The following RFX7 variants were observed in gnomAD, a reference collection of about 807,000 sequenced individuals.
RFX7 encodes regulatory factor X7.
RFX7 carries 26 observed loss-of-function variants against 111.8 expected under a neutral mutation model. That is an observed-to-expected ratio of 0.23 (90% confidence interval 0.17 to 0.32). The LOEUF (loss-of-function observed/expected upper bound fraction) is 0.32, where lower values mean the gene tolerates loss of function less well. Ranked by LOEUF, RFX7 falls within the 10% of genes least tolerant of loss-of-function variation. RFX7 has a pLI of 1.00. For synonymous variants in RFX7, 624 were observed against 624.4 expected, an observed-to-expected ratio of 1.00 and a Z score of 0.01; for missense variants, 1,573 against 1,772.9, an observed-to-expected ratio of 0.89 and a Z score of 2.02.
intron 5 of RFX7, among the ~76,000 whole-genome samples, chr15:56,121,203 T>C (rs1370458767): frequency 6.6e-6 from 1 of 152,238 alleles, no homozygotes; most frequent in Admixed American, 6.5e-5. Context: ...AGCTTTTGTC[T>C]GTGAAAATCT....
Position 56,090,340 on chromosome 15 carries a change from T to C in RFX7, c.*3005A>G, listed in dbSNP as rs1380637690. On this transcript the variant is annotated 3_prime_UTR_variant, in exon 10 of 10. Coordinates refer to ENST00000559447, the MANE Select transcript of RFX7 (RefSeq NM_022841.7). ...ATAATCTTAAGTGAACAACAGAGTT[T>C]TGATGAATGAACTAAGATCTGTGTA... 6.6e-6 allele frequency: 1 copy of C among 152,154 alleles called. No individual in the cohort carries two copies. The highest frequency in any genetic ancestry group is 2.4e-5 in the African/African-American group (1 of 41,452). 9.4% of individuals were successfully genotyped at this position (152,154 alleles called of 1,614,324 possible). A position where few individuals can be genotyped will look rare whatever the true frequency, so the allele number is the denominator to read the frequency against.
At chr15:56,243,320 T>G (rs1175425127) in intron 1 of RFX7, 33 bp from the exon 2 acceptor site, 68 of 652,218 alleles carry the variant, frequency 1.0e-4, no homozygotes, top group Middle Eastern at 7.9e-4. Context: ...GAGGGAAAGA[T>G]GGGGGCGCGG....
Position 56,101,412 on chromosome 15 carries a change from T to C in RFX7, c.758A>G (p.Tyr253Cys), listed in dbSNP as rs1258184198. 2 of 1,610,982 alleles carry C rather than the reference T, an allele frequency of 1.2e-6. No individual in the cohort carries two copies. The highest frequency in any genetic ancestry group is 1.3e-5 in the African/African-American group (1 of 74,956). ...ELARFLVKSH[Y>C]IGTKSMAALT... ...AGCTGCCATTGACTTGGTGCCTATA[T>C]AGTGACTTTTTACAAGGAAGCGGGC... The change falls in exon 8 of 10, where the codon TAT (tyrosine) becomes TGT (cysteine). Residue 253 changes from tyrosine to cysteine, a missense_variant. By Grantham distance (194) the Tyr-to-Cys change is radical. Coordinates refer to ENST00000559447, the MANE Select transcript of RFX7 (RefSeq NM_022841.7).
intron 2 of RFX7, among the ~76,000 whole-genome samples, chr15:56,181,493 C>T (rs759911604): frequency 6.6e-6 from 1 of 152,066 alleles, no homozygotes; most frequent in Non-Finnish European, 1.5e-5. Context: ...TTCATGATAG[C>T]AGGCTTTGTC....
rs777374302 is a variant in RFX7, at chr15:56,098,141, A to T, written c.1047T>A (p.Pro349=). The change falls in exon 9 of 10, where the codon CCT becomes CCA. Residue 349 remains proline (P), a synonymous_variant. Transcript: ENST00000559447. ...NGVTNLPNGN[P]SILSPQPIGI... ...CAATAGGTTGAGGAGAAAGGATTGA[A>T]GGATTTCCATTAGGAAGATTAGTCA... 6.2e-7 allele frequency: 1 copy of T among 1,613,946 alleles called. No individual in the cohort carries two copies. Among genetic ancestry groups the T allele is most frequent in the South Asian group, 1.1e-5 (1 of 91,080 alleles).
chr15:56,157,954 A>C (rs1453869424), intron 3 of RFX7, among the ~76,000 whole-genome samples: 1 of 152,240 alleles, frequency 6.6e-6, no homozygotes, highest in Non-Finnish European at 1.5e-5. Context: ...TGTCATAGAG[A>C]CTTCTCATAT....
At chr15:56,227,010 T>A (rs1392656797) in intron 2 of RFX7, among the ~76,000 whole-genome samples, 3 of 152,166 alleles carry the variant, frequency 2.0e-5, no homozygotes, top group Admixed American at 6.5e-5. Context: ...CAACCTGTTT[T>A]AAAAAAATCA....
chr15:56,156,397 T>C (rs975308570), intron 3 of RFX7, among the ~76,000 whole-genome samples: 4 of 152,154 alleles, frequency 2.6e-5, no homozygotes, highest in African/African-American at 9.7e-5. Flanking sequence ...TGTTTGCTTC[T>C]GATCTTGGAC....
At chr15:56,099,719 AT>A (rs2041728307) in intron 8 of RFX7, among the ~76,000 whole-genome samples, 1 of 152,214 alleles carries the variant, frequency 6.6e-6, no homozygotes, top group Non-Finnish European at 1.5e-5. Context: ...TGAGATCAAA[AT>A]TTTGAGAGAC....
chr15:56,222,097 T>C (rs1259550821), intron 2 of RFX7, among the ~76,000 whole-genome samples: 2 of 152,162 alleles, frequency 1.3e-5, no homozygotes, highest in African/African-American at 2.4e-5. Flanking sequence ...TCTCAAAATG[T>C]CTATTTTGTT....
chr15:56,192,353 G>A (rs1317121947), intron 2 of RFX7: 2 of 228,770 alleles, frequency 8.7e-6, no homozygotes, highest in South Asian at 8.1e-5. Context: ...AGCATCACAT[G>A]TATTTGTAAA....
chr15:56,221,918 T>A (rs1364296953), intron 2 of RFX7, among the ~76,000 whole-genome samples: 3 of 152,190 alleles, frequency 2.0e-5, no homozygotes, highest in Non-Finnish European at 4.4e-5. Context: ...ATATGTACTT[T>A]AAAAAAGTCA....
At chr15:56,109,006 A>G (rs529903197) in intron 5 of RFX7, among the ~76,000 whole-genome samples, 5 of 150,940 alleles carry the variant, frequency 3.3e-5, no homozygotes, top group African/African-American at 7.3e-5. Context: ...GACCTCTTCA[A>G]GAACTACAAA....
In RFX7 at chr15:56,122,415, A is replaced by C. The variant is rs192478198; in HGVS notation, c.402-18745T>G. Among the ~76,000 whole-genome samples, 678 of 152,248 alleles carry C rather than the reference A, an allele frequency of 4.5e-3. 6 individuals carry two copies. The highest frequency in any genetic ancestry group is 0.036 in the South Asian group (171 of 4,812). On this transcript the variant is annotated intron_variant, in intron 5 of 9. Coordinates refer to ENST00000559447, the MANE Select transcript of RFX7 (RefSeq NM_022841.7). ...CCTCTCTCTAGGCTGAAATGCCTGGAGCTGGGGGAGTGGTGACACAAGCAG... is the reference window on the plus strand; with the variant it reads ...CCTCTCTCTAGGCTGAAATGCCTGGCGCTGGGGGAGTGGTGACACAAGCAG...
chr15:56,184,983 T>A (rs1175187757), intron 2 of RFX7, among the ~76,000 whole-genome samples: 8 of 152,290 alleles, frequency 5.3e-5, no homozygotes, highest in Middle Eastern at 6.8e-3. Flanking sequence ...TTTTTTGACA[T>A]CTCATCAGTT....
intron 2 of RFX7, among the ~76,000 whole-genome samples, chr15:56,225,311 A>G (rs565034867): frequency 1.2e-3 from 176 of 152,196 alleles, no homozygotes; most frequent in Middle Eastern, 6.8e-3. Context: ...ATCCCAAAAC[A>G]ATTTCTTATA....
At chr15:56,216,213 G>C (rs2043361678) in intron 2 of RFX7, among the ~76,000 whole-genome samples, 2 of 152,188 alleles carry the variant, frequency 1.3e-5, no homozygotes, top group South Asian at 4.2e-4. Flanking sequence ...GTTTGTATAA[G>C]ATTAGAATTA....
At chr15:56,168,060 A>G (rs2042803771) in intron 3 of RFX7, among the ~76,000 whole-genome samples, 6 of 152,218 alleles carry the variant, frequency 3.9e-5, no homozygotes. Flanking sequence ...GTTTTTTAAA[A>G]GTCTGGGATC....
intron 5 of RFX7, among the ~76,000 whole-genome samples, chr15:56,138,792 C>T (rs1229570339): frequency 1.3e-5 from 2 of 152,010 alleles, no homozygotes; most frequent in South Asian, 2.1e-4. Flanking sequence ...CCTTCAGGAG[C>T]TCTTTTAGGG....
Sources: allele counts gnomAD v4.1 joint callset (sites outside exome capture counted in the v4.1 genomes callset), GRCh38; gene constraint gnomAD v4.1.1; transcripts MANE v1.5; gene names NCBI Gene and HGNC (gene_info 2026-07-23, HGNC 2026-07-21).